Variants in AGAP1 observed in about 807,000 individuals in gnomAD.
The protein encoded by AGAP1 is arf-GAP with GTPase, ANK repeat and PH domain-containing protein 1.
In AGAP1, 29 loss-of-function variants were observed where a neutral mutation model predicts 105.3. The ratio of observed to expected loss-of-function variants is 0.28; its 90% CI spans 0.21 to 0.38. The LOEUF is 0.38. Among genes scored for constraint, AGAP1 ranks in the 10% least tolerant of loss-of-function variants. AGAP1 has a pLI of 1.00. For missense variants in AGAP1, 998 were observed against 1,165.1 expected (o/e 0.86, Z 2.09); for synonymous variants, 509 against 485.9 (o/e 1.05, Z -0.63).
In AGAP1 at chr2:235,865,118, G is replaced by A. The variant is rs112938213; in HGVS notation, c.1051-18227G>A. On this transcript the variant is annotated intron_variant, in intron 9 of 17. Transcript: ENST00000304032. This position sits in a 1 kb window ranked among gnomAD's most constrained non-coding sequence, Gnocchi z 6.2. Reference sequence around the variant, plus strand: ...GTGTCGGTCACAAAGCATACATTTCGGGGCAGTTAGCTGAATAATTCTTTT... The same window carrying A: ...GTGTCGGTCACAAAGCATACATTTCAGGGCAGTTAGCTGAATAATTCTTTT... Among the ~76,000 whole-genome samples the A allele has an allele frequency of 1.3e-5, 2 of 152,234 alleles. No individual in the cohort carries two copies. The highest frequency in any genetic ancestry group is 2.4e-5 in the African/African-American group (1 of 41,540).
chr2:235,557,775 T>C lies in AGAP1; in HGVS notation c.163+62926T>C, dbSNP rs1210816492. ...CCGTGTGCACCTTCATGGTACGTGCTGGGGTTGTGCCTTATGAAAACAACG... is the reference window on the plus strand; with the variant it reads ...CCGTGTGCACCTTCATGGTACGTGCCGGGGTTGTGCCTTATGAAAACAACG... On this transcript the variant is annotated intron_variant, in intron 1 of 17. Coordinates refer to ENST00000304032, the MANE Select transcript of AGAP1 (RefSeq NM_001037131.3). The surrounding 1 kb of genome is among the most constrained non-coding windows in gnomAD (Gnocchi z 4.7). Among the ~76,000 whole-genome samples, 1 of 152,162 alleles carries C rather than the reference T, an allele frequency of 6.6e-6. No homozygotes were observed. The highest frequency in any genetic ancestry group is 1.5e-5 in the Non-Finnish European group (1 of 68,044).
At position 235,691,866 on chromosome 2, in the gene AGAP1, G is replaced by A. The variant is rs997437429; in HGVS notation, c.164-17313G>A. ...TGGGGACAATGGCCAGTGACATCCA[G>A]GAGAGGGAACTTAGAGGCAAGGCAG... On this transcript the variant is annotated intron_variant, in intron 1 of 17. Coordinates refer to ENST00000304032, the MANE Select transcript of AGAP1 (RefSeq NM_001037131.3). This position sits in a 1 kb window ranked among gnomAD's most constrained non-coding sequence, Gnocchi z 4.4. Among the ~76,000 whole-genome samples, 2 of 152,218 alleles carry A rather than the reference G, an allele frequency of 1.3e-5. No homozygotes were observed. Among genetic ancestry groups the A allele is most frequent in the African/African-American group, 2.4e-5 (1 of 41,454 alleles).
At chr2:235,688,724 T>C (rs1949590603) in intron 1 of AGAP1, among the ~76,000 whole-genome samples, 1 of 152,194 alleles carries the variant, frequency 6.6e-6, no homozygotes, top group South Asian at 2.1e-4. Flanking sequence ...AGAAAAGTCA[T>C]TGTGTATTCA....
At chr2:235,562,790 C>T (rs1559250126) in intron 1 of AGAP1, among the ~76,000 whole-genome samples, 3 of 152,172 alleles carry the variant, frequency 2.0e-5, no homozygotes, top group African/African-American at 7.2e-5. Flanking sequence ...GGTGTCGCGG[C>T]TCATGCCTGT....
chr2:235,617,103 T>C (rs1219966201), intron 1 of AGAP1, among the ~76,000 whole-genome samples: 1 of 152,180 alleles, frequency 6.6e-6, no homozygotes, highest in Non-Finnish European at 1.5e-5. Context: ...GAAGTGGCTT[T>C]ACCAGGGAAT....
Position 236,014,699 on chromosome 2 carries a change from G to A in AGAP1, c.1646-21862G>A, listed in dbSNP as rs1296777643. On this transcript the variant is annotated intron_variant, in intron 13 of 17. Transcript: ENST00000304032. The surrounding 1 kb of genome is among the most constrained non-coding windows in gnomAD (Gnocchi z 6.3). ...TTCGCGCAGACAGCTCGGAGGCAAC[G>A]TCACGTGCTACTTTGACCTTTTTTT... is the stretch of plus-strand genomic sequence containing the variant. 6 of 360,934 alleles carry A rather than the reference G, an allele frequency of 1.7e-5. No homozygotes were observed. The East Asian group carries it at 2.8e-4, about 17-fold the overall frequency. 22.4% of individuals were successfully genotyped at this position (360,934 alleles called of 1,614,324 possible).
chr2:235,961,072 A>G lies in AGAP1; in HGVS notation c.1484-7390A>G, dbSNP rs541190236. ...TACTCATCCTGAATCTGTTTCAGGA[A>G]GGATGTGTGCTGGTGAAGAGGATGA... is the stretch of plus-strand genomic sequence containing the variant. On this transcript the variant is annotated intron_variant, in intron 12 of 17. Transcript: ENST00000304032. This position sits in a 1 kb window ranked among gnomAD's most constrained non-coding sequence, Gnocchi z 5.9. 6.6e-6 allele frequency among the ~76,000 whole-genome samples: 1 copy of G among 152,256 alleles called. No individual in the cohort carries two copies. The highest frequency in any genetic ancestry group is 1.5e-5 in the Non-Finnish European group (1 of 68,016).
chr2:235,802,016 G>A (rs1315147784), intron 8 of AGAP1, among the ~76,000 whole-genome samples: 3 of 152,004 alleles, frequency 2.0e-5, no homozygotes. Context: ...GACAACCCAG[G>A]TGACTTAGGG....
intron 3 of AGAP1, among the ~76,000 whole-genome samples, chr2:235,738,509 A>G (rs962824441): frequency 2.6e-5 from 4 of 152,078 alleles, no homozygotes; most frequent in Non-Finnish European, 5.9e-5. Context: ...TCTTCTCCAA[A>G]GAAAGAGGAA....
rs917535410 is a variant in AGAP1 at position 235,931,934 on chromosome 2, C to A, written c.1483+1011C>A. 6.6e-6 allele frequency among the ~76,000 whole-genome samples: 1 copy of A among 152,134 alleles called. No individual in the cohort carries two copies. The highest frequency in any genetic ancestry group is 1.5e-5 in the Non-Finnish European group (1 of 68,028). ...CACACACAGCGTCACGCGGCTGCCC[C>A]GGCTGGCCCATTCCCATCCCAGCGC... On this transcript the variant is annotated intron_variant, in intron 12 of 17. Coordinates refer to ENST00000304032, the MANE Select transcript of AGAP1 (RefSeq NM_001037131.3). This position sits in a 1 kb window ranked among gnomAD's most constrained non-coding sequence, Gnocchi z 5.6.
intron 8 of AGAP1, among the ~76,000 whole-genome samples, chr2:235,802,287 A>G (rs765753095): frequency 6.6e-6 from 1 of 152,228 alleles, no homozygotes; most frequent in Non-Finnish European, 1.5e-5. Flanking sequence ...GAGGCCGGGC[A>G]GGGCAGGTGC....
chr2:235,836,643 G>A (rs1219974143), intron 9 of AGAP1, among the ~76,000 whole-genome samples: 3 of 152,240 alleles, frequency 2.0e-5, no homozygotes, highest in Admixed American at 1.3e-4. Context: ...GTTGATCTGT[G>A]TCATGCTTCA....
At chr2:235,673,551 G>A (rs990263226) in intron 1 of AGAP1, among the ~76,000 whole-genome samples, 3 of 152,202 alleles carry the variant, frequency 2.0e-5, no homozygotes, top group Admixed American at 1.3e-4. Context: ...TCCATACTCA[G>A]TGAAATAAAT....
rs145515292 is a variant in AGAP1 at position 235,883,206 on chromosome 2, A to G, written c.1051-139A>G. On this transcript the variant is annotated intron_variant, in intron 9 of 17. Coordinates refer to ENST00000304032, the MANE Select transcript of AGAP1 (RefSeq NM_001037131.3). The surrounding 1 kb of genome is among the most constrained non-coding windows in gnomAD (Gnocchi z 4.5). Reference sequence around the variant, plus strand: ...GTGTCGTATTTGTTGAACTAATGGCATATCTTTTAGCATTCGCCAGTATCA... The same window carrying G: ...GTGTCGTATTTGTTGAACTAATGGCGTATCTTTTAGCATTCGCCAGTATCA... The G allele has an allele frequency of 3.1e-4, 202 of 662,140 alleles. 1 individual carries two copies. Among genetic ancestry groups the G allele is most frequent in the Non-Finnish European group, 9.0e-5 (34 of 378,806 alleles). The allele number at this position is 662,140 out of a possible 1,614,324, so 41.0% of individuals were successfully genotyped here. A position where few individuals can be genotyped will look rare whatever the true frequency, so the allele number is the denominator to read the frequency against.
intron 9 of AGAP1, among the ~76,000 whole-genome samples, chr2:235,861,341 A>G (rs927662829): frequency 4.6e-5 from 7 of 152,196 alleles, no homozygotes; most frequent in Non-Finnish European, 7.3e-5. Context: ...GGTCATTTCC[A>G]GAAGTGCCGT....
rs911617012 is a variant in AGAP1, at chr2:235,631,920, A to G, written c.164-77259A>G. On this transcript the variant is annotated intron_variant, in intron 1 of 17. Coordinates refer to ENST00000304032, the MANE Select transcript of AGAP1 (RefSeq NM_001037131.3). The surrounding 1 kb of genome is among the most constrained non-coding windows in gnomAD (Gnocchi z 5.4). ...TTGACCCTTCCTTTCTGCTTTTTCC[A>G]TCTGTTACCTGCATGCATATATGAT... 1.7e-4 allele frequency among the ~76,000 whole-genome samples: 26 copies of G among 152,042 alleles called. No homozygotes were observed. Among genetic ancestry groups the G allele is most frequent in the Non-Finnish European group, 2.8e-4 (19 of 68,004 alleles).
In AGAP1 at chr2:235,535,144, C is replaced by T. The variant is rs10202566; in HGVS notation, c.163+40295C>T. On this transcript the variant is annotated intron_variant, in intron 1 of 17. Transcript: ENST00000304032. The surrounding 1 kb of genome is among the most constrained non-coding windows in gnomAD (Gnocchi z 5.1). ...AATACTTATCCGCAGGGGTGTGTGC[C>T]AGGCAGCCCAGGTCAGCCTCCCTCC... Among the ~76,000 whole-genome samples the T allele has an allele frequency of 6.6e-6, 1 of 152,112 alleles. No individual in the cohort carries two copies. Among genetic ancestry groups the T allele is most frequent in the Non-Finnish European group, 1.5e-5 (1 of 68,020 alleles).
At chr2:235,653,499 TATAACATAACATAAC>T (rs138275032) in intron 1 of AGAP1, among the ~76,000 whole-genome samples, 2 of 130,248 alleles carry the variant, frequency 1.5e-5, no homozygotes, top group South Asian at 2.3e-4. Flanking sequence ...TAAAATAAAA[TATAACATAACATAAC>T]ATAACATAAC....
chr2:235,579,400 C>T (rs2149184467), intron 1 of AGAP1, among the ~76,000 whole-genome samples: 1 of 152,216 alleles, frequency 6.6e-6, no homozygotes, highest in South Asian at 2.1e-4. Context: ...GGTTGCAATC[C>T]CAGGGGGCGA....
Sources: allele counts gnomAD v4.1 joint callset (sites outside exome capture counted in the v4.1 genomes callset), GRCh38; gene constraint gnomAD v4.1.1; non-coding constraint Gnocchi (gnomAD v3.1); transcripts MANE v1.5; gene names NCBI Gene and HGNC (gene_info 2026-07-23, HGNC 2026-07-21).